The following ETV4 variants were observed in gnomAD, a reference collection of about 807,000 sequenced individuals.
The protein encoded by ETV4 is ETS variant transcription factor 4.
ETV4 carries 42 observed loss-of-function variants against 65.9 expected under a neutral mutation model. The observed-to-expected ratio is 0.64, with a 90% CI of 0.50 to 0.82. The LOEUF (loss-of-function observed/expected upper bound fraction) is 0.82, where lower values mean the gene tolerates loss of function less well. Among genes scored for constraint, ETV4 ranks in the 40% least tolerant of loss-of-function variants. ETV4 has a pLI of 0.00. For synonymous variants in ETV4, 238 were observed against 260.0 expected (o/e 0.92, Z 0.81); for missense variants, 583 against 630.3 (o/e 0.92, Z 0.80).
Position 43,536,439 on chromosome 17 carries a change from G to A in ETV4, c.243C>T (p.Phe81=). The part of the protein sequence containing the change: ...PDSDEQFVPD[F]HSENLAFHSP... ...ACCTCTACTCACGGTTTTCTGAATG[G>A]AAATCAGGAACAAACTGCTCATCAC... Residue 81 remains phenylalanine, a synonymous_variant, in exon 5 of 13, where the codon TTC becomes TTT. Coordinates refer to ENST00000319349, the MANE Select transcript of ETV4 (RefSeq NM_001079675.5). 6.2e-7 allele frequency: 1 copy of A among 1,614,202 alleles called. No homozygotes were observed.
intron 12 of ETV4, among the ~76,000 whole-genome samples, 154 bp from the exon 13 acceptor site, chr17:43,528,897 C>T (rs1239725234): frequency 1.3e-5 from 2 of 152,150 alleles, no homozygotes; most frequent in African/African-American, 4.8e-5. Context: ...CTGACTCTCC[C>T]TTCACAGTTC....
At chr17:43,533,771 C>T (rs1971087840) in intron 6 of ETV4, 88 bp downstream of exon 6, 2 of 1,516,228 alleles carry the variant, frequency 1.3e-6, no homozygotes, top group Non-Finnish European at 1.8e-6. Context: ...ACTTGCATCT[C>T]AGCTGCTGCC....
intron 9 of ETV4, 41 bp downstream of exon 9, chr17:43,530,066 C>G (rs773060276): frequency 1.8e-5 from 29 of 1,611,052 alleles, no homozygotes; most frequent in East Asian, 4.5e-5. Context: ...GCTCCCTCCC[C>G]CAACATGGAG....
At chr17:43,531,886 C>CTCGT (rs1383692896) in intron 8 of ETV4, among the ~76,000 whole-genome samples, 3 of 152,210 alleles carry the variant, frequency 2.0e-5, no homozygotes, top group African/African-American at 4.8e-5. Context: ...ACTCTGCACA[C>CTCGT]TCGTGTTCCT....
chr17:43,532,999 C>G, intron 7 of ETV4, 60 bp from the exon 8 acceptor site: 2 of 1,522,816 alleles, frequency 1.3e-6, no homozygotes, highest in African/African-American at 2.8e-5. Flanking sequence ...CTTCCTCGAG[C>G]CTGTTACTCC....
chr17:43,540,587 G>T (rs1326664059), intron 4 of ETV4, among the ~76,000 whole-genome samples: 3 of 152,168 alleles, frequency 2.0e-5, no homozygotes, highest in Admixed American at 6.5e-5. Flanking sequence ...CCTGTGTCAG[G>T]CTTGAGTGCA....
In ETV4 at chr17:43,529,206, G is replaced by T. The variant is rs369223687; in HGVS notation, c.1159C>A (p.Arg387=). The T allele has an allele frequency of 3.7e-6, 6 of 1,613,894 alleles. No homozygotes were observed. In the East Asian group the frequency reaches 1.3e-4, roughly 36 times the overall value. Residue 387 remains arginine (R), a synonymous_variant, in exon 12 of 13, where the codon CGG becomes AGG. Coordinates refer to ENST00000319349, the MANE Select transcript of ETV4 (RefSeq NM_001079675.5). ...VARLWGIQKN[R]PAMNYDKLSR... ...AGCTTGTCGTAATTCATGGCTGGCC[G>T]GTTCTTCTGGATGCCCCAGAGCCTG...
At chr17:43,539,727 C>CT (rs1031468788) in intron 4 of ETV4, among the ~76,000 whole-genome samples, 2 of 152,206 alleles carry the variant, frequency 1.3e-5, no homozygotes, top group African/African-American at 4.8e-5. Flanking sequence ...TCCCTGCAGG[C>CT]TCCCCCTCTC....
chr17:43,531,960 G>A (rs1970959633), intron 8 of ETV4, among the ~76,000 whole-genome samples: 2 of 152,158 alleles, frequency 1.3e-5, no homozygotes, highest in South Asian at 4.1e-4. Context: ...AGAAATAAAT[G>A]CCTTAACTTC....
In ETV4 at chr17:43,528,391, T is replaced by C. The variant is rs531425765; in HGVS notation, c.*128A>G. 6.1e-6 allele frequency: 4 copies of C among 653,280 alleles called. No individual in the cohort carries two copies. The highest frequency in any genetic ancestry group is 3.6e-5 in the African/African-American group (2 of 54,814). 40.5% of individuals were successfully genotyped at this position (653,280 alleles called of 1,614,324 possible). The stretch of plus-strand genomic sequence containing the variant: ...AGCTCAGAGTCTGGGCTAGGGCAAC[T>C]GGTAGGACAGTGGGGATCTGCCCCA... On this transcript the variant is annotated 3_prime_UTR_variant, in exon 13 of 13. Coordinates refer to ENST00000319349, the MANE Select transcript of ETV4 (RefSeq NM_001079675.5).
chr17:43,541,681 G>A (rs1007043859), intron 4 of ETV4, among the ~76,000 whole-genome samples: 4 of 152,174 alleles, frequency 2.6e-5, no homozygotes, highest in Non-Finnish European at 5.9e-5. Context: ...CCAGGATCCA[G>A]TCATAGGGTG....
Position 43,545,644 on chromosome 17 carries a change from C to G in ETV4, c.-27G>C. 4 of 1,539,122 alleles carry G rather than the reference C, an allele frequency of 2.6e-6. No individual in the cohort carries two copies. Among genetic ancestry groups the G allele is most frequent in the East Asian group, 2.5e-5 (1 of 40,098 alleles). The stretch of plus-strand genomic sequence containing the variant: ...CGGCCGCTCCCTCCGGCCGCACGGC[C>G]GGGGCCCCAAGCGGGGGCCGAGACC... On this transcript the variant is annotated 5_prime_UTR_variant, in exon 2 of 13. Transcript: ENST00000319349.
intron 5 of ETV4, among the ~76,000 whole-genome samples, chr17:43,534,454 A>G (rs1314890670): frequency 6.6e-6 from 1 of 152,154 alleles, no homozygotes; most frequent in East Asian, 1.9e-4. Flanking sequence ...AGATCATGCC[A>G]CTGCACTCCA....
intron 10 of ETV4, 50 bp downstream of exon 10, chr17:43,529,828 GCAGGGA>G: frequency 6.2e-7 from 1 of 1,602,510 alleles, no homozygotes. Context: ...TGTGACTCCT[GCAGGGA>G]CACAGCGTGA....
chr17:43,544,059 G>A (rs576047076), intron 4 of ETV4: 1 of 152,224 alleles, frequency 6.6e-6, no homozygotes, highest in Non-Finnish European at 1.5e-5. Flanking sequence ...CTAGTGTTTT[G>A]GCTTCTTCAT....
chr17:43,544,754 A>G (rs764027677), intron 4 of ETV4: 37 of 505,660 alleles, frequency 7.3e-5, no homozygotes, highest in Non-Finnish European at 1.3e-4. Flanking sequence ...GCCTAGTTAC[A>G]CAAGCCTGGC....
intron 4 of ETV4, chr17:43,544,052 G>A (rs1241503116): frequency 6.6e-6 from 1 of 152,178 alleles, no homozygotes; most frequent in African/African-American, 2.4e-5. Context: ...GGAGTTCCTA[G>A]TGTTTTGGCT....
At chr17:43,536,393 C>G in intron 5 of ETV4, 33 bp downstream of exon 5, 5 of 1,599,264 alleles carry the variant, frequency 3.1e-6, no homozygotes, top group Non-Finnish European at 4.3e-6. Context: ...ATCCTCCACT[C>G]CCTATACCCT....
In ETV4 at chr17:43,546,296, C is replaced by G. The variant is rs1026892742; in HGVS notation, c.-163G>C. The G allele has an allele frequency of 6.6e-6, 1 of 152,274 alleles. No individual in the cohort carries two copies. Among genetic ancestry groups the G allele is most frequent in the African/African-American group, 2.4e-5 (1 of 41,414 alleles). The allele number at this position is 152,274 out of a possible 1,614,324, so 9.4% of individuals were successfully genotyped here. A position where few individuals can be genotyped will look rare whatever the true frequency, so the allele number is the denominator to read the frequency against. ...GTAAGGCGGCCCCGGCCCCGGGTCCCCAGCGCACCGACTTGTTTTTCGGGC... is the reference window on the plus strand; with the variant it reads ...GTAAGGCGGCCCCGGCCCCGGGTCCGCAGCGCACCGACTTGTTTTTCGGGC... On this transcript the variant is annotated 5_prime_UTR_variant, in exon 1 of 13. Coordinates refer to ENST00000319349, the MANE Select transcript of ETV4 (RefSeq NM_001079675.5).
Sources: gnomAD v4.1 joint callset for allele counts (sites outside exome capture counted in the v4.1 genomes callset) on GRCh38, gnomAD v4.1.1 for gene constraint, MANE v1.5 for transcripts, NCBI Gene and HGNC (gene_info 2026-07-23, HGNC 2026-07-21) for gene names.